LARGE1: variants seen among roughly 807,000 people sequenced by gnomAD.
The protein encoded by LARGE1 is LARGE xylosyl- and glucuronyltransferase 1, also known as xylosyl- and glucuronyltransferase LARGE1.
Under a neutral mutation model 87.6 loss-of-function variants are expected in LARGE1, and 43 were observed. That is an observed-to-expected ratio of 0.49 (90% CI 0.38 to 0.63). The LOEUF (loss-of-function observed/expected upper bound fraction) is 0.63, where lower values mean the gene tolerates loss of function less well. LARGE1 is among the 30% of genes least tolerant of loss of function. LARGE1 has a pLI of 0.00. For synonymous variants in LARGE1, 434 were observed against 394.6 expected, an observed-to-expected ratio of 1.10 and a Z score of -1.18; for missense variants, 802 against 1,000.2, an observed-to-expected ratio of 0.80 and a Z score of 2.67.
the LARGE1 span, among the ~76,000 whole-genome samples, chr22:33,091,874 T>C: frequency 6.6e-6 from 1 of 152,156 alleles, no homozygotes; most frequent in Non-Finnish European, 1.5e-5. Flanking sequence ...GAAATAGTCT[T>C]CATGTTCTTC....
At chr22:33,502,826 C>T (rs573687824) in intron 6 of LARGE1, among the ~76,000 whole-genome samples, 70 of 152,336 alleles carry the variant, frequency 4.6e-4, no homozygotes, top group African/African-American at 1.7e-3. Context: ...CTCAGCCTCC[C>T]AAGCCACATG....
intron 2 of LARGE1, among the ~76,000 whole-genome samples, chr22:33,742,596 G>A (rs928102434): frequency 1.3e-5 from 2 of 152,178 alleles, no homozygotes; most frequent in Non-Finnish European, 2.9e-5. Flanking sequence ...CAGGGCCCAG[G>A]TCTTCTGGTG....
chr22:33,838,666 T>C (rs550468927), intron 1 of LARGE1, among the ~76,000 whole-genome samples: 133 of 152,342 alleles, frequency 8.7e-4, no homozygotes, highest in African/African-American at 3.1e-3. Context: ...TAGCGATTTC[T>C]ATCCTAATAA....
intron 7 of LARGE1, among the ~76,000 whole-genome samples, chr22:33,423,965 G>A (rs1265434325): frequency 6.6e-6 from 1 of 152,194 alleles, no homozygotes; most frequent in East Asian, 1.9e-4. Context: ...AGAAAGGGGA[G>A]CATTTGGCTG....
At chr22:33,915,042 CAGAG>C (rs57289711) in intron 1 of LARGE1, among the ~76,000 whole-genome samples, 9 of 137,028 alleles carry the variant, frequency 6.6e-5, no homozygotes, top group Admixed American at 1.5e-4. Flanking sequence ...CACACACACA[CAGAG>C]AGAGAGAGAG....
chr22:33,584,597 A>C (rs1490239555), intron 5 of LARGE1, among the ~76,000 whole-genome samples: 3 of 152,110 alleles, frequency 2.0e-5, no homozygotes, highest in Non-Finnish European at 4.4e-5. Context: ...GTTTCCTCCT[A>C]ATCAGATGAG....
At chr22:33,128,338 C>T in the LARGE1 span, among the ~76,000 whole-genome samples, 2 of 152,174 alleles carry the variant, frequency 1.3e-5, no homozygotes, top group African/African-American at 4.8e-5. Flanking sequence ...ATAACAAAGA[C>T]ATAGAATCAA....
intron 4 of LARGE1, 94 bp downstream of exon 4, chr22:33,626,150 T>C: frequency 1.0e-6 from 1 of 989,968 alleles, no homozygotes; most frequent in Non-Finnish European, 1.6e-6. Flanking sequence ...GAATGATTGA[T>C]GAGAAATTTT....
intron 1 of LARGE1, among the ~76,000 whole-genome samples, chr22:33,795,555 G>A (rs1393318021): frequency 2.0e-5 from 3 of 151,794 alleles, no homozygotes; most frequent in African/African-American, 7.3e-5. Flanking sequence ...AAAGACACAT[G>A]CGCACGTATG....
At chr22:33,760,381 G>A (rs1212800574) in intron 2 of LARGE1, among the ~76,000 whole-genome samples, 1 of 152,028 alleles carries the variant, frequency 6.6e-6, no homozygotes, top group Non-Finnish European at 1.5e-5. Flanking sequence ...ATTTGTTTGG[G>A]GAGAGCAAAT....
intron 6 of LARGE1, among the ~76,000 whole-genome samples, chr22:33,516,944 G>T (rs73168507): frequency 6.6e-6 from 1 of 152,022 alleles, no homozygotes; most frequent in Non-Finnish European, 1.5e-5. Flanking sequence ...AGTACTCAAG[G>T]GAACACATCA....
intron 5 of LARGE1, among the ~76,000 whole-genome samples, chr22:33,576,491 A>G (rs1384835167): frequency 6.6e-6 from 1 of 152,090 alleles, no homozygotes; most frequent in African/African-American, 2.4e-5. Flanking sequence ...TGGGATGGTG[A>G]AGATATCCAG....
chr22:33,068,403 T>C, the LARGE1 span, among the ~76,000 whole-genome samples: 1 of 152,128 alleles, frequency 6.6e-6, no homozygotes, highest in Non-Finnish European at 1.5e-5. Context: ...CCCAGCACTT[T>C]GGGAGGTCGA....
chr22:33,811,618 T>C (rs1208920134), intron 1 of LARGE1, among the ~76,000 whole-genome samples: 1 of 152,108 alleles, frequency 6.6e-6, no homozygotes, highest in Non-Finnish European at 1.5e-5. Context: ...AAAATCATGA[T>C]TTGGTATATA....
intron 3 of LARGE1, among the ~76,000 whole-genome samples, chr22:33,632,028 C>T (rs750983236): frequency 6.6e-6 from 1 of 152,202 alleles, no homozygotes; most frequent in Non-Finnish European, 1.5e-5. Flanking sequence ...TTCTCTGTCA[C>T]AAAGTCCAGA....
chr22:33,232,673 G>A (rs774558323), intron 11 of LARGE1, among the ~76,000 whole-genome samples: 1 of 152,108 alleles, frequency 6.6e-6, no homozygotes, highest in Non-Finnish European at 1.5e-5. Context: ...CCTAAATGAT[G>A]GTCTCACTGG....
At chr22:33,678,997 C>T (rs1702463959) in intron 2 of LARGE1, among the ~76,000 whole-genome samples, 1 of 152,198 alleles carries the variant, frequency 6.6e-6, no homozygotes, top group Admixed American at 6.5e-5. Flanking sequence ...AGATAGCAAG[C>T]CCGGATCCCT....
intron 2 of LARGE1, among the ~76,000 whole-genome samples, chr22:33,684,054 C>G (rs2081868110): frequency 6.6e-6 from 1 of 152,166 alleles, no homozygotes; most frequent in African/African-American, 2.4e-5. Flanking sequence ...GTAAACCATT[C>G]TGAGATACTA....
At chr22:33,785,182 T>C (rs2085588894) in intron 1 of LARGE1, among the ~76,000 whole-genome samples, 1 of 150,498 alleles carries the variant, frequency 6.6e-6, no homozygotes, top group Admixed American at 6.6e-5. Flanking sequence ...TACATATGTG[T>C]ATATACATAT....
Sources: allele counts gnomAD v4.1 joint callset (sites outside exome capture counted in the v4.1 genomes callset), GRCh38; gene constraint gnomAD v4.1.1; transcripts MANE v1.5; gene names NCBI Gene and HGNC (gene_info 2026-07-23, HGNC 2026-07-21).